CHRNA4: variants seen among roughly 807,000 people sequenced by gnomAD.
CHRNA4 encodes neuronal acetylcholine receptor subunit alpha-4.
Under a neutral mutation model 48.9 loss-of-function variants are expected in CHRNA4, and 28 were observed. The ratio of observed to expected loss-of-function variants is 0.57; its 90% CI spans 0.42 to 0.79. The LOEUF (loss-of-function observed/expected upper bound fraction) is 0.79, where lower values mean the gene tolerates loss of function less well. Among genes scored for constraint, CHRNA4 ranks in the 30% least tolerant of loss-of-function variants. The pLI is 0.00. For missense variants in CHRNA4, 859 were observed against 898.4 expected, an observed-to-expected ratio of 0.96 and a Z score of 0.56; for synonymous variants, 425 against 402.3, an observed-to-expected ratio of 1.06 and a Z score of -0.68.
chr20:63,359,911 G>GC, intron 1 of CHRNA4: 2 of 518,636 alleles, frequency 3.9e-6, no homozygotes, highest in Non-Finnish European at 7.0e-6. Flanking sequence ...GTGTGTGTGT[G>GC]TGTGTGTGTG....
chr20:63,360,949 G>T (rs1428108328), intron 1 of CHRNA4, 141 bp downstream of exon 1: 1 of 659,684 alleles, frequency 1.5e-6, no homozygotes, highest in Non-Finnish European at 2.2e-6. Context: ...TGCGGCTGGG[G>T]ATGGGGAGCC....
At chr20:63,351,337 CACCT>C (rs2068612851) in intron 4 of CHRNA4, among the ~76,000 whole-genome samples, 1 of 152,214 alleles carries the variant, frequency 6.6e-6, no homozygotes. Context: ...TTCGTCTTCT[CACCT>C]ACTCGTGCAC....
At chr20:63,347,184 G>A (rs113571723) in intron 5 of CHRNA4, among the ~76,000 whole-genome samples, 4 of 152,344 alleles carry the variant, frequency 2.6e-5, no homozygotes, top group Admixed American at 6.5e-5. Context: ...CTCAGCAGGC[G>A]GCCTGTGCTC....
In CHRNA4 at chr20:63,349,634, A is replaced by G; in HGVS notation, c.1758+19T>C. ...CGTCTGGGTCAGAGGCGCCCAACACAGCCATGGGCGGGACTTACCGAGAAG... is the reference window on the plus strand; with the variant it reads ...CGTCTGGGTCAGAGGCGCCCAACACGGCCATGGGCGGGACTTACCGAGAAG... On this transcript the variant is annotated intron_variant, in intron 5 of 5. Transcript: ENST00000370263. 6.2e-7 allele frequency: 1 copy of G among 1,612,528 alleles called. No individual in the cohort carries two copies. The highest frequency in any genetic ancestry group is 8.5e-7 in the Non-Finnish European group (1 of 1,179,832).
Position 63,346,535 on chromosome 20 carries a change from T to C in CHRNA4, c.*203A>G. ...CTGCCTCCTGAGGCCACAGTCCAACTGGAAGCAGCTCCACACTCGGTCTCC... is the reference window on the plus strand; with the variant it reads ...CTGCCTCCTGAGGCCACAGTCCAACCGGAAGCAGCTCCACACTCGGTCTCC... On this transcript the variant is annotated 3_prime_UTR_variant, in exon 6 of 6. Coordinates refer to ENST00000370263, the MANE Select transcript of CHRNA4 (RefSeq NM_000744.7). 1 of 777,666 alleles carries C rather than the reference T, an allele frequency of 1.3e-6. No homozygotes were observed. Among genetic ancestry groups the C allele is most frequent in the Non-Finnish European group, 2.2e-6 (1 of 459,452 alleles). 48.2% of individuals were successfully genotyped at this position (777,666 alleles called of 1,614,324 possible). A position where few individuals can be genotyped will look rare whatever the true frequency, so the allele number is the denominator to read the frequency against.
rs546985764 is a variant in CHRNA4 at position 63,348,647 on chromosome 20, C to T, written c.1758+1006G>A. ...CACCGGGACAAGAGCCAGGAGGTGC[C>T]GGCGACAGCAGGTGGATGGACAGGA... On this transcript the variant is annotated intron_variant, in intron 5 of 5. Coordinates refer to ENST00000370263, the MANE Select transcript of CHRNA4 (RefSeq NM_000744.7). Among the ~76,000 whole-genome samples, 8 of 152,288 alleles carry T rather than the reference C, an allele frequency of 5.3e-5. No homozygotes were observed. In the South Asian group the frequency reaches 1.0e-3, roughly 20 times the overall value.
chr20:63,356,865 G>C (rs1204998178), intron 2 of CHRNA4, among the ~76,000 whole-genome samples: 1 of 152,140 alleles, frequency 6.6e-6, no homozygotes, highest in Non-Finnish European at 1.5e-5. Flanking sequence ...CCAGGACTGT[G>C]CCTCATGACC....
rs538968571 is a variant in CHRNA4 at position 63,343,307 on chromosome 20, C to T, written c.*3431G>A. On this transcript the variant is annotated 3_prime_UTR_variant, in exon 6 of 6. Coordinates refer to ENST00000370263, the MANE Select transcript of CHRNA4 (RefSeq NM_000744.7). The stretch of plus-strand genomic sequence containing the variant: ...CTTGGCAGACATTGCCTGCAGAAGC[C>T]GGGCGGCCGCACCTGGGCTCGGCGG... The T allele has an allele frequency of 3.1e-5, 14 of 446,364 alleles. No individual in the cohort carries two copies. The highest frequency in any genetic ancestry group is 5.0e-5 in the Non-Finnish European group (11 of 220,658). 27.7% of individuals were successfully genotyped at this position (446,364 alleles called of 1,614,324 possible).
Position 63,345,871 on chromosome 20 carries a change from G to A in CHRNA4, c.*867C>T. On this transcript the variant is annotated 3_prime_UTR_variant, in exon 6 of 6. Transcript: ENST00000370263. This position sits in a 1 kb window ranked among gnomAD's most constrained non-coding sequence, Gnocchi z 5.4. ...TCCATTCGGGACCTTCCCAGCTCCG[G>A]GGAATCACAACACAGAAGTACCCCA... 1 of 453,102 alleles carries A rather than the reference G, an allele frequency of 2.2e-6. No homozygotes were observed. The highest frequency in any genetic ancestry group is 4.4e-6 in the Non-Finnish European group (1 of 226,038). The allele number at this position is 453,102 out of a possible 1,614,324, so 28.1% of individuals were successfully genotyped here. A position where few individuals can be genotyped will look rare whatever the true frequency, so the allele number is the denominator to read the frequency against.
chr20:63,358,788 G>A (rs2068756512), intron 2 of CHRNA4, among the ~76,000 whole-genome samples: 1 of 152,216 alleles, frequency 6.6e-6, no homozygotes, highest in Admixed American at 6.5e-5. Flanking sequence ...GGGAAACGTG[G>A]AAATGTCTCT....
rs201055040 is a variant in CHRNA4, at chr20:63,344,611, A to C, written c.*2127T>G. The C allele has an allele frequency of 4.4e-6, 2 of 453,478 alleles. No homozygotes were observed. Among genetic ancestry groups the C allele is most frequent in the Non-Finnish European group, 8.8e-6 (2 of 226,502 alleles). The allele number at this position is 453,478 out of a possible 1,614,324, so 28.1% of individuals were successfully genotyped here. On this transcript the variant is annotated 3_prime_UTR_variant, in exon 6 of 6. Coordinates refer to ENST00000370263, the MANE Select transcript of CHRNA4 (RefSeq NM_000744.7). This position sits in a 1 kb window ranked among gnomAD's most constrained non-coding sequence, Gnocchi z 4.5. ...GCAGTCACTCCTGACCCAGAAAAGAACAACCACAGCTGGGCCCAGCACCCC... is the reference window on the plus strand; with the variant it reads ...GCAGTCACTCCTGACCCAGAAAAGACCAACCACAGCTGGGCCCAGCACCCC...
chr20:63,349,236 C>T (rs898764760), intron 5 of CHRNA4, among the ~76,000 whole-genome samples: 1 of 152,180 alleles, frequency 6.6e-6, no homozygotes, highest in African/African-American at 2.4e-5. Flanking sequence ...GGGAGGCCCG[C>T]GGGGCAGGCA....
At chr20:63,354,097 C>T (rs55955126) in intron 4 of CHRNA4, among the ~76,000 whole-genome samples, 3 of 105,394 alleles carry the variant, frequency 2.8e-5, no homozygotes, top group African/African-American at 1.1e-4. Flanking sequence ...CTGCAGGAGG[C>T]ACTGTAGCCC....
Position 63,359,891 on chromosome 20 carries a change from C to A in CHRNA4, c.77-192G>T. The A allele has an allele frequency of 6.1e-6, 3 of 492,266 alleles. No individual in the cohort carries two copies. The South Asian group carries it at 6.3e-5, about 10-fold the overall frequency. 30.5% of individuals were successfully genotyped at this position (492,266 alleles called of 1,614,324 possible). A position where few individuals can be genotyped will look rare whatever the true frequency, so the allele number is the denominator to read the frequency against. ...GCTCTGTGTGTGTGTGTGTGCCGGG[C>A]GTGTGCTGTGTGTGTGTGTGTGTGT... On this transcript the variant is annotated intron_variant, in intron 1 of 5. Transcript: ENST00000370263.
chr20:63,351,240 G>GCCCCCGTCCACGTCCACA (rs1568812080), intron 4 of CHRNA4: 8 of 474,076 alleles, frequency 1.7e-5, no homozygotes, highest in Middle Eastern at 5.6e-4. Context: ...CCACACCCAC[G>GCCCCCGTCCACGTCCACA]TCCACGTCCA....
chr20:63,350,419 T>C lies in CHRNA4; in HGVS notation c.992A>G (p.His331Arg). Residue 331 changes from histidine to arginine, a missense_variant, in exon 5 of 6, where the codon CAC becomes CGC. Physicochemically the swap from His to Arg is conservative, Grantham distance 29. This residue lies in a region of CHRNA4 where 478 missense variants were observed against 455.4 expected (regional missense o/e 1.05). Transcript: ENST00000370263. ...GGTGTGCGTGCGTGGCGAGCGGTGG[T>C]GCACGTTGAGCACGAAGACCGTGAT... Reference protein sequence around the residue: ...IVITVFVLNVHHRSPRTHTMP... With the variant: ...IVITVFVLNVRHRSPRTHTMP... 1 of 1,613,804 alleles carries C rather than the reference T, an allele frequency of 6.2e-7. No individual in the cohort carries two copies.
rs867889514 is a variant in CHRNA4, at chr20:63,351,095, T to G, written c.384-68A>C. 9.9e-5 allele frequency: 132 copies of G among 1,334,552 alleles called. No individual in the cohort carries two copies. The Middle Eastern group carries it at 3.1e-3, about 31-fold the overall frequency. 82.7% of individuals were successfully genotyped at this position (1,334,552 alleles called of 1,614,324 possible). On this transcript the variant is annotated intron_variant, in intron 4 of 5. Coordinates refer to ENST00000370263, the MANE Select transcript of CHRNA4 (RefSeq NM_000744.7). Reference sequence around the variant, plus strand: ...TGCCCACGTCCACACCCACGCCCACTGCCACACCCATGCCCACGTCCACAC... The same window carrying G: ...TGCCCACGTCCACACCCACGCCCACGGCCACACCCATGCCCACGTCCACAC...
At position 63,343,975 on chromosome 20, in the gene CHRNA4, GA is replaced by G. The variant is rs2068444085; in HGVS notation, c.*2762del. The G allele has an allele frequency of 2.2e-6, 1 of 454,168 alleles. No individual in the cohort carries two copies. Among genetic ancestry groups the G allele is most frequent in the South Asian group, 1.6e-5 (1 of 64,478 alleles). The allele number at this position is 454,168 out of a possible 1,614,324, so 28.1% of individuals were successfully genotyped here. A position where few individuals can be genotyped will look rare whatever the true frequency, so the allele number is the denominator to read the frequency against. Reference sequence around the variant, plus strand: ...AGATGTTAAAACATTAACAGATGCAGAAAATAAACATGCATAACGGATAGAG... The same window carrying G: ...AGATGTTAAAACATTAACAGATGCAGAAATAAACATGCATAACGGATAGAG... On this transcript the variant is annotated 3_prime_UTR_variant, in exon 6 of 6. Transcript: ENST00000370263.
rs200449795 is a variant in CHRNA4, at chr20:63,351,044, C to G, written c.384-17G>C. On this transcript the variant is annotated splice_polypyrimidine_tract_variant and intron_variant, in intron 4 of 5. Coordinates refer to ENST00000370263, the MANE Select transcript of CHRNA4 (RefSeq NM_000744.7). ...CCGTCAGCACTGGGCAGGAAGAGAG[C>G]GAAGGGTGTGAGACCCCCACATCCA... The G allele has an allele frequency of 3.1e-6, 5 of 1,609,124 alleles. No individual in the cohort carries two copies. The highest frequency in any genetic ancestry group is 1.7e-6 in the Non-Finnish European group (2 of 1,178,720).
Sources: allele counts gnomAD v4.1 joint callset (sites outside exome capture counted in the v4.1 genomes callset), GRCh38; gene constraint gnomAD v4.1.1; regional missense constraint gnomAD v4.1.1; non-coding constraint Gnocchi (gnomAD v3.1); transcripts MANE v1.5; gene names NCBI Gene and HGNC (gene_info 2026-07-23, HGNC 2026-07-21).